SLC49A4: variants seen among roughly 807,000 people sequenced by gnomAD.
SLC49A4 encodes the protein disrupted in renal cancer protein 2.
In SLC49A4, 36 loss-of-function variants were observed where a neutral mutation model predicts 50.6. That is an observed-to-expected ratio of 0.71 (90% CI 0.55 to 0.94). The LOEUF (loss-of-function observed/expected upper bound fraction) is 0.94, where lower values mean the gene tolerates loss of function less well. SLC49A4 is among the 40% of genes least tolerant of loss of function. The pLI is 0.00. For synonymous variants in SLC49A4, 248 were observed against 241.2 expected (o/e 1.03, Z -0.26); for missense variants, 503 against 605.7 (o/e 0.83, Z 1.78).
At chr3:122,870,745 G>A (rs2107583544) in intron 7 of SLC49A4, among the ~76,000 whole-genome samples, 1 of 150,218 alleles carries the variant, frequency 6.7e-6, no homozygotes, top group Admixed American at 6.6e-5. Context: ...CCGGGGAGGT[G>A]GAAGTTGGCA....
intron 5 of SLC49A4, among the ~76,000 whole-genome samples, chr3:122,846,896 C>T (rs1936860716): frequency 6.6e-6 from 1 of 152,174 alleles, no homozygotes; most frequent in African/African-American, 2.4e-5. Flanking sequence ...AGAGGGCTCC[C>T]CAGAGGACTT....
rs1313597397 is a variant in SLC49A4 at position 122,880,032 on chromosome 3, G to C, written c.*654G>C. On this transcript the variant is annotated 3_prime_UTR_variant, in exon 9 of 9. Transcript: ENST00000261038. ...TCCATCTCAACTTATCCTTGTTTCT[G>C]TGAAATACAATTTCATCTACTAGGC... 6.6e-6 allele frequency: 1 copy of C among 152,518 alleles called. No individual in the cohort carries two copies. The highest frequency in any genetic ancestry group is 2.4e-5 in the African/African-American group (1 of 41,438). The allele number at this position is 152,518 out of a possible 1,614,324, so 9.4% of individuals were successfully genotyped here. A position where few individuals can be genotyped will look rare whatever the true frequency, so the allele number is the denominator to read the frequency against.
At chr3:122,823,169 A>G (rs1298530941) in intron 2 of SLC49A4, among the ~76,000 whole-genome samples, 1 of 152,196 alleles carries the variant, frequency 6.6e-6, no homozygotes, top group Non-Finnish European at 1.5e-5. Flanking sequence ...GACCCCAGAA[A>G]TAGGCCTTAC....
intron 3 of SLC49A4, among the ~76,000 whole-genome samples, chr3:122,828,016 A>G (rs1178659432): frequency 6.6e-6 from 1 of 152,228 alleles, no homozygotes; most frequent in Non-Finnish European, 1.5e-5. Flanking sequence ...CAAGTAATTG[A>G]GTATGGCTGG....
intron 2 of SLC49A4, among the ~76,000 whole-genome samples, chr3:122,820,832 G>A (rs200402986): frequency 6.6e-5 from 10 of 152,328 alleles, no homozygotes; most frequent in South Asian, 4.1e-4. Context: ...ATGCTAGTGG[G>A]CAGCACCAGG....
chr3:122,861,451 A>T (rs910337296), intron 7 of SLC49A4, among the ~76,000 whole-genome samples: 4 of 152,174 alleles, frequency 2.6e-5, no homozygotes, highest in Admixed American at 6.5e-5. Flanking sequence ...TATATATTTA[A>T]TTATAGGATT....
chr3:122,827,204 C>A, intron 3 of SLC49A4, 139 bp downstream of exon 3: 3 of 920,148 alleles, frequency 3.3e-6, no homozygotes, highest in African/African-American at 1.7e-5. Flanking sequence ...CTGTGCATTC[C>A]TTGTCATATG....
chr3:122,865,170 A>G (rs1486064917), intron 7 of SLC49A4, among the ~76,000 whole-genome samples: 2 of 152,258 alleles, frequency 1.3e-5, no homozygotes, highest in African/African-American at 4.8e-5. Context: ...CAAGGAAGAA[A>G]AAGTAGAATA....
chr3:122,823,777 G>A (rs563780994), intron 2 of SLC49A4, among the ~76,000 whole-genome samples: 16 of 152,242 alleles, frequency 1.1e-4, no homozygotes, highest in Admixed American at 1.3e-4. Flanking sequence ...TAGACTTAAT[G>A]TATAAAGCAG....
intron 1 of SLC49A4, among the ~76,000 whole-genome samples, chr3:122,799,372 G>A (rs1936098576): frequency 6.6e-6 from 1 of 152,216 alleles, no homozygotes; most frequent in Non-Finnish European, 1.5e-5. Flanking sequence ...CACCTGACAT[G>A]TTAGTTCTGG....
intron 5 of SLC49A4, among the ~76,000 whole-genome samples, chr3:122,850,070 A>T (rs1046394864): frequency 6.6e-6 from 1 of 152,204 alleles, no homozygotes; most frequent in African/African-American, 2.4e-5. Flanking sequence ...AATCTGACTG[A>T]CTTTCAATAT....
Position 122,795,097 on chromosome 3 carries a change from G to C in SLC49A4, c.-96G>C. ...CCGGAGGCCGAGGGCGACCACAGCAGCCTCCGCCTCCTGCTGCTCAGGACT... is the reference window on the plus strand; with the variant it reads ...CCGGAGGCCGAGGGCGACCACAGCACCCTCCGCCTCCTGCTGCTCAGGACT... On this transcript the variant is annotated 5_prime_UTR_variant, in exon 1 of 9. Transcript: ENST00000261038. 8.2e-7 allele frequency: 1 copy of C among 1,215,918 alleles called. No homozygotes were observed. Among genetic ancestry groups the C allele is most frequent in the African/African-American group, 1.6e-5 (1 of 63,748 alleles). The allele number at this position is 1,215,918 out of a possible 1,614,324, so 75.3% of individuals were successfully genotyped here.
At chr3:122,807,116 T>C (rs1398376377) in intron 2 of SLC49A4, among the ~76,000 whole-genome samples, 166 bp downstream of exon 2, 1 of 152,088 alleles carries the variant, frequency 6.6e-6, no homozygotes, top group African/African-American at 2.4e-5. Flanking sequence ...ACACTAGTTG[T>C]TGTGGAAATA....
At chr3:122,797,622 T>C (rs553282732) in intron 1 of SLC49A4, among the ~76,000 whole-genome samples, 1 of 152,332 alleles carries the variant, frequency 6.6e-6, no homozygotes, top group East Asian at 1.9e-4. Flanking sequence ...GAAGAAGGGC[T>C]TCTCCTACCA....
chr3:122,818,483 A>G (rs1936408047), intron 2 of SLC49A4, among the ~76,000 whole-genome samples: 1 of 152,166 alleles, frequency 6.6e-6, no homozygotes, highest in Non-Finnish European at 1.5e-5. Flanking sequence ...TCTACTATGA[A>G]TATGTATTAA....
intron 1 of SLC49A4, among the ~76,000 whole-genome samples, chr3:122,803,584 A>T (rs1044327973): frequency 6.6e-6 from 1 of 152,134 alleles, no homozygotes; most frequent in Non-Finnish European, 1.5e-5. Context: ...GGAAAAGGGG[A>T]TCTGCCCCGG....
chr3:122,806,739 C>G, intron 1 of SLC49A4, 118 bp from the exon 2 acceptor site: 1 of 546,820 alleles, frequency 1.8e-6, no homozygotes, highest in South Asian at 1.8e-5. Context: ...TAAAGTTATA[C>G]AGAAAAGCCA....
intron 8 of SLC49A4, among the ~76,000 whole-genome samples, chr3:122,873,228 G>A (rs1937218316): frequency 1.3e-5 from 2 of 151,642 alleles, no homozygotes; most frequent in South Asian, 2.1e-4. Flanking sequence ...TGCCCAGGCT[G>A]GAGTGCAGTG....
chr3:122,868,189 A>G (rs1050405109), intron 7 of SLC49A4, among the ~76,000 whole-genome samples: 5 of 152,116 alleles, frequency 3.3e-5, no homozygotes, highest in Non-Finnish European at 7.4e-5. Context: ...TACGGGCACA[A>G]GGGTGGGGAG....
Sources: gnomAD v4.1 joint callset for allele counts (sites outside exome capture counted in the v4.1 genomes callset) on GRCh38, gnomAD v4.1.1 for gene constraint, MANE v1.5 for transcripts, NCBI Gene and HGNC (gene_info 2026-07-23, HGNC 2026-07-21) for gene names.